Variants in FHIT observed in about 807,000 individuals in gnomAD.
FHIT encodes the protein fragile histidine triad diadenosine triphosphatase.
In FHIT, 19 loss-of-function variants were observed where a neutral mutation model predicts 17.9. That is an observed-to-expected ratio of 1.06 (90% CI 0.74 to 1.56). The LOEUF (loss-of-function observed/expected upper bound fraction) is 1.56. Among genes scored for constraint, FHIT ranks in the 40% most tolerant of loss-of-function variants. The pLI is 0.00. For missense variants in FHIT, 248 were observed against 189.2 expected (o/e 1.31, Z -1.82); for synonymous variants, 81 against 69.7 (o/e 1.16, Z -0.81).
At chr3:60,055,314 A>G (rs1439672681) in intron 5 of FHIT, among the ~76,000 whole-genome samples, 1 of 152,118 alleles carries the variant, frequency 6.6e-6, no homozygotes, top group Non-Finnish European at 1.5e-5. Context: ...CCATACTACC[A>G]CACACATAAA....
rs77781387 is a variant in FHIT at position 61,175,732 on chromosome 3, T to A, written c.-164+24885A>T. ...CATGTGAGGACATGGTGTACTTCCC[T>A]CCAGAGGATGCAGCAACAAAGCACC... On this transcript the variant is annotated intron_variant, in intron 2 of 9. Coordinates refer to ENST00000492590, the MANE Select transcript of FHIT (RefSeq NM_002012.4). Among the ~76,000 whole-genome samples, 909 of 152,090 alleles carry A rather than the reference T, an allele frequency of 6.0e-3. 25 individuals are homozygous for A. In the East Asian group the frequency reaches 0.063, roughly 11 times the overall value.
At chr3:60,168,662 G>A (rs961795372) in intron 5 of FHIT, among the ~76,000 whole-genome samples, 15 of 152,206 alleles carry the variant, frequency 9.9e-5, no homozygotes, top group African/African-American at 3.4e-4. Flanking sequence ...GAAGAACCGT[G>A]TTTTTGAAAG....
At chr3:60,329,753 C>T (rs1465602682) in intron 5 of FHIT, among the ~76,000 whole-genome samples, 1 of 152,210 alleles carries the variant, frequency 6.6e-6, no homozygotes, top group Non-Finnish European at 1.5e-5. Context: ...TACCTCTATT[C>T]TAGCTACATG....
intron 2 of FHIT, among the ~76,000 whole-genome samples, chr3:61,085,619 G>C (rs890961408): frequency 1.3e-5 from 2 of 151,952 alleles, no homozygotes; most frequent in African/African-American, 4.8e-5. Flanking sequence ...GTTTTAAAAT[G>C]TTATGAAGTT....
At chr3:60,902,739 T>C (rs1706188751) in intron 3 of FHIT, among the ~76,000 whole-genome samples, 2 of 152,180 alleles carry the variant, frequency 1.3e-5, no homozygotes. Context: ...CTTCCTAACC[T>C]AGTTTGAGCA....
intron 3 of FHIT, among the ~76,000 whole-genome samples, chr3:61,029,905 G>A (rs905332894): frequency 6.6e-6 from 1 of 152,156 alleles, no homozygotes; most frequent in Non-Finnish European, 1.5e-5. Context: ...TATCACCTAG[G>A]AGCTTGTTAG....
At chr3:60,777,428 T>C (rs1700245353) in intron 4 of FHIT, among the ~76,000 whole-genome samples, 1 of 152,180 alleles carries the variant, frequency 6.6e-6, no homozygotes, top group African/African-American at 2.4e-5. Context: ...CTGGGATCAA[T>C]AGAAAGGAAA....
chr3:61,208,357 T>C (rs917810828), intron 1 of FHIT, among the ~76,000 whole-genome samples: 2 of 152,068 alleles, frequency 1.3e-5, no homozygotes, highest in Admixed American at 1.3e-4. Flanking sequence ...TGAGTTCAAT[T>C]CCTGGATATC....
chr3:60,206,149 A>AAT (rs1553712155), intron 5 of FHIT, among the ~76,000 whole-genome samples: 123 of 94,114 alleles, frequency 1.3e-3, no homozygotes, highest in East Asian at 4.0e-3. Flanking sequence ...AAAAAAAAAT[A>AAT]AATAATAATA....
In FHIT at chr3:60,973,528, C is replaced by A. The variant is rs114406428; in HGVS notation, c.-111+68519G>T. Among the ~76,000 whole-genome samples, 1,027 of 152,204 alleles carry A rather than the reference C, an allele frequency of 6.7e-3. 10 individuals carry two copies. Among genetic ancestry groups the A allele is most frequent in the Non-Finnish European group, 9.4e-3 (642 of 67,986 alleles). On this transcript the variant is annotated intron_variant, in intron 3 of 9. Coordinates refer to ENST00000492590, the MANE Select transcript of FHIT (RefSeq NM_002012.4). The stretch of plus-strand genomic sequence containing the variant: ...CCTCTGGGATCTTGTTTCCTCCAGT[C>A]CTTTGTTGGTAGCCCTGAACTCCAC...
In FHIT at chr3:60,206,147, AT is replaced by A. The variant is rs1330035874; in HGVS notation, c.104-191996del. 1.0e-3 allele frequency among the ~76,000 whole-genome samples: 131 copies of A among 126,122 alleles called. 3 individuals carry two copies. Among genetic ancestry groups the A allele is most frequent in the Admixed American group, 2.4e-3 (30 of 12,516 alleles). 82.7% of individuals were successfully genotyped at this position (126,122 alleles called of 152,430 possible). On this transcript the variant is annotated intron_variant, in intron 5 of 9. Coordinates refer to ENST00000492590, the MANE Select transcript of FHIT (RefSeq NM_002012.4). ...GACTCCGTCTCAAAAAAAAAAAAAA[AT>A]AAATAATAATAATAATAATAATAAT...
intron 2 of FHIT, among the ~76,000 whole-genome samples, chr3:61,148,984 G>A (rs2037307291): frequency 1.3e-5 from 2 of 152,152 alleles, no homozygotes; most frequent in South Asian, 4.1e-4. Context: ...GATTCTCAAA[G>A]GCATAAAGTT....
intron 3 of FHIT, among the ~76,000 whole-genome samples, chr3:60,996,264 T>C (rs2030665787): frequency 6.6e-6 from 1 of 152,200 alleles, no homozygotes; most frequent in African/African-American, 2.4e-5. Context: ...TTCAACAGGT[T>C]ATCCAAAGCC....
intron 5 of FHIT, among the ~76,000 whole-genome samples, chr3:60,148,307 C>T (rs1043450621): frequency 6.6e-6 from 1 of 152,112 alleles, no homozygotes; most frequent in Non-Finnish European, 1.5e-5. Context: ...GTCTTTCAAA[C>T]TGGATGATAG....
intron 2 of FHIT, among the ~76,000 whole-genome samples, chr3:61,051,912 T>C (rs1300476607): frequency 6.6e-6 from 1 of 152,186 alleles, no homozygotes; most frequent in African/African-American, 2.4e-5. Context: ...CTGCTCTCTA[T>C]ACACATATTC....
intron 3 of FHIT, among the ~76,000 whole-genome samples, chr3:60,847,475 C>T (rs940398063): frequency 2.6e-5 from 4 of 152,116 alleles, no homozygotes; most frequent in Non-Finnish European, 5.9e-5. Context: ...GGCTACCTTT[C>T]CCAAGCCTTA....
At chr3:61,115,457 G>A (rs2036274768) in intron 2 of FHIT, among the ~76,000 whole-genome samples, 1 of 152,104 alleles carries the variant, frequency 6.6e-6, no homozygotes, top group Non-Finnish European at 1.5e-5. Context: ...TCCAGTGGGA[G>A]GAAGGGGAGG....
chr3:60,435,229 C>G (rs1225886519), intron 5 of FHIT, among the ~76,000 whole-genome samples: 1 of 152,100 alleles, frequency 6.6e-6, no homozygotes, highest in Non-Finnish European at 1.5e-5. Context: ...AACTTCCAGT[C>G]CTTTACAGAC....
intron 5 of FHIT, among the ~76,000 whole-genome samples, chr3:60,105,535 G>C (rs753940752): frequency 6.6e-6 from 1 of 152,078 alleles, no homozygotes; most frequent in African/African-American, 2.4e-5. Flanking sequence ...GCCTACTTTA[G>C]TGATCAGGGT....
Sources: allele counts gnomAD v4.1 joint callset (sites outside exome capture counted in the v4.1 genomes callset), GRCh38; gene constraint gnomAD v4.1.1; transcripts MANE v1.5; gene names NCBI Gene and HGNC (gene_info 2026-07-23, HGNC 2026-07-21).